The following FGF14 variants were observed in gnomAD, a reference collection of about 807,000 sequenced individuals.
FGF14 encodes the protein fibroblast growth factor homologous factor 4.
A neutral mutation model predicts 25.5 loss-of-function variants in FGF14; 5 were observed. The observed-to-expected ratio is 0.20, with a 90% CI of 0.10 to 0.41. The LOEUF (loss-of-function observed/expected upper bound fraction) is 0.41, where lower values mean the gene tolerates loss of function less well. Ranked by LOEUF, FGF14 falls within the 10% of genes least tolerant of loss-of-function variation. The probability of loss-of-function intolerance (pLI) is 1.00; values close to 1 mark genes in which losing one functional copy is unlikely to be tolerated. For missense variants in FGF14, 222 were observed against 320.1 expected (o/e 0.69, Z 2.34); for synonymous variants, 138 against 118.3 (o/e 1.17, Z -1.08).
chr13:102,292,614 A>G (rs143569996), intron 1 of FGF14: 24 of 152,302 alleles, frequency 1.6e-4, no homozygotes, highest in African/African-American at 5.8e-4. Flanking sequence ...TCCCAAGTCG[A>G]AAGTCAGCAA....
chr13:101,720,042 T>A lies in FGF14; in HGVS notation c.*2789A>T, dbSNP rs1233502394. On this transcript the variant is annotated 3_prime_UTR_variant, in exon 5 of 5. Transcript: ENST00000376143. ...CATTTTGTTACATAAAGTTGTTTGA[T>A]GTTTTTTAATATGCCTTCATATAAA... is the stretch of plus-strand genomic sequence containing the variant. 2.0e-5 allele frequency: 3 copies of A among 152,198 alleles called. No homozygotes were observed. Among genetic ancestry groups the A allele is most frequent in the Non-Finnish European group, 4.4e-5 (3 of 68,020 alleles). The allele number at this position is 152,198 out of a possible 1,614,324, so 9.4% of individuals were successfully genotyped here.
intron 1 of FGF14, among the ~76,000 whole-genome samples, chr13:102,192,944 C>T (rs9554855): frequency 0.15 from 22,354 of 152,084 alleles, 1,788 homozygotes; most frequent in Non-Finnish European, 0.18. Flanking sequence ...ACTCCAACTG[C>T]CTTAAATACT....
intron 3 of FGF14, among the ~76,000 whole-genome samples, chr13:101,833,334 G>T (rs995906067): frequency 2.0e-5 from 3 of 152,026 alleles, no homozygotes; most frequent in Non-Finnish European, 4.4e-5. Context: ...TTGCTCTTTT[G>T]TATGTGCTTT....
At chr13:101,825,185 T>C (rs1244401710) in intron 3 of FGF14, among the ~76,000 whole-genome samples, 1 of 152,156 alleles carries the variant, frequency 6.6e-6, no homozygotes, top group Non-Finnish European at 1.5e-5. Flanking sequence ...GCATCTAAAG[T>C]GGGAGGGAGT....
At chr13:101,788,871 A>G (rs1422846851) in intron 3 of FGF14, among the ~76,000 whole-genome samples, 1 of 26,698 alleles carries the variant, frequency 3.7e-5, no homozygotes, top group Non-Finnish European at 7.4e-5. Context: ...GCCTTTTTTG[A>G]CTATATATAT....
At chr13:101,914,259 TACATA>T (rs1317178747) in intron 1 of FGF14, among the ~76,000 whole-genome samples, 1 of 151,302 alleles carries the variant, frequency 6.6e-6, no homozygotes, top group Non-Finnish European at 1.5e-5. Flanking sequence ...ATATATAATT[TACATA>T]ACATAAAGTC....
chr13:102,383,834 G>A (rs2058241956), intron 1 of FGF14, among the ~76,000 whole-genome samples: 1 of 151,940 alleles, frequency 6.6e-6, no homozygotes, highest in African/African-American at 2.4e-5. Context: ...TCTCCTTCAT[G>A]TAGAAGGAAT....
In FGF14 at chr13:102,231,237, C is replaced by T. The variant is rs190718846; in HGVS notation, c.208+170234G>A. 1.5e-3 allele frequency among the ~76,000 whole-genome samples: 233 copies of T among 152,212 alleles called. 1 individual carries two copies. The highest frequency in any genetic ancestry group is 4.8e-3 in the African/African-American group (199 of 41,536). On this transcript the variant is annotated intron_variant, in intron 1 of 4. Transcript: ENST00000376131. ...ATTAATGGTGAAAGAGCTGTTTACACGGAACAGCAGGTTGCAAATCAACAG... is the reference window on the plus strand; with the variant it reads ...ATTAATGGTGAAAGAGCTGTTTACATGGAACAGCAGGTTGCAAATCAACAG...
chr13:102,243,002 T>C (rs1369306851), intron 1 of FGF14, among the ~76,000 whole-genome samples: 1 of 152,116 alleles, frequency 6.6e-6, no homozygotes, highest in Non-Finnish European at 1.5e-5. Context: ...AAAAACAGTG[T>C]GTTCTACTTC....
Position 101,878,877 on chromosome 13 carries a change from AT to A in FGF14, c.194-3582del, listed in dbSNP as rs563607851. ...ACATGTAATATGTAAAAAAATGCTC[AT>A]TTTTTTCAATAAACTGATAGAATAA... On this transcript the variant is annotated intron_variant, in intron 1 of 4. Coordinates refer to ENST00000376143, the MANE Select transcript of FGF14 (RefSeq NM_004115.4). Among the ~76,000 whole-genome samples the A allele has an allele frequency of 3.7e-3, 565 of 152,088 alleles. 2 individuals carry two copies. The highest frequency in any genetic ancestry group is 0.013 in the African/African-American group (521 of 41,544).
chr13:102,379,947 T>A (rs541941586), intron 1 of FGF14, among the ~76,000 whole-genome samples: 1 of 152,190 alleles, frequency 6.6e-6, no homozygotes, highest in Non-Finnish European at 1.5e-5. Flanking sequence ...CAGAGACTCA[T>A]CTTCCCCTTT....
rs148693175 is a variant in FGF14, at chr13:101,976,850, C to A, written c.209-101554G>T. Among the ~76,000 whole-genome samples, 123 of 152,294 alleles carry A rather than the reference C, an allele frequency of 8.1e-4. 2 individuals are homozygous for A. The highest frequency in any genetic ancestry group is 2.9e-3 in the African/African-American group (119 of 41,558). ...CCAACTTGGTAGTTTATGCAATGAT[C>A]AGCAGATATCGCATACTGCTGTGTT... On this transcript the variant is annotated intron_variant, in intron 1 of 4. Coordinates refer to the FGF14 transcript ENST00000376131.
intron 3 of FGF14, among the ~76,000 whole-genome samples, chr13:101,765,019 T>C (rs2038290053): frequency 6.6e-6 from 1 of 152,182 alleles, no homozygotes; most frequent in South Asian, 2.1e-4. Context: ...ATGCACACAA[T>C]AGATCAGAGG....
At chr13:102,179,433 T>C (rs972108277) in intron 1 of FGF14, among the ~76,000 whole-genome samples, 2 of 152,154 alleles carry the variant, frequency 1.3e-5, no homozygotes, top group African/African-American at 4.8e-5. Context: ...CACAATCTTC[T>C]GTGAGCCCTA....
At chr13:101,933,726 AAAAC>A (rs949855546) in intron 1 of FGF14, among the ~76,000 whole-genome samples, 22 of 152,220 alleles carry the variant, frequency 1.4e-4, no homozygotes, top group African/African-American at 2.2e-4. Context: ...TCTATCTCAA[AAAAC>A]AAACAAACAA....
intron 1 of FGF14, among the ~76,000 whole-genome samples, chr13:102,206,338 T>C (rs1402248159): frequency 6.6e-6 from 1 of 152,028 alleles, no homozygotes; most frequent in East Asian, 1.9e-4. Context: ...AATAAATAAA[T>C]AAATAAGCCA....
chr13:101,994,720 T>C (rs2039088728), intron 1 of FGF14, among the ~76,000 whole-genome samples: 1 of 152,076 alleles, frequency 6.6e-6, no homozygotes, highest in Non-Finnish European at 1.5e-5. Context: ...AAATTAAATA[T>C]GAGCTAATAT....
chr13:102,010,451 G>A (rs1345313465), intron 1 of FGF14, among the ~76,000 whole-genome samples: 2 of 151,988 alleles, frequency 1.3e-5, no homozygotes, highest in Non-Finnish European at 2.9e-5. Flanking sequence ...AATCAACTTT[G>A]CCCAGAATCG....
intron 3 of FGF14, among the ~76,000 whole-genome samples, chr13:101,754,638 A>T (rs1345115567): frequency 6.6e-6 from 1 of 152,098 alleles, no homozygotes; most frequent in Non-Finnish European, 1.5e-5. Flanking sequence ...CTGAGGCGGG[A>T]GAATTGCTTG....
Sources: gnomAD v4.1 joint callset for allele counts (sites outside exome capture counted in the v4.1 genomes callset) on GRCh38, gnomAD v4.1.1 for gene constraint, MANE v1.5 for transcripts, NCBI Gene and HGNC (gene_info 2026-07-23, HGNC 2026-07-21) for gene names.